PLOD2: variants seen among roughly 807,000 people sequenced by gnomAD.
PLOD2 encodes lysine hydroxylase 2.
In PLOD2, 65 loss-of-function variants were observed where a neutral mutation model predicts 101.0. The observed-to-expected ratio is 0.64, with a 90% confidence interval of 0.53 to 0.79. PLOD2 has a LOEUF of 0.79. Ranked by LOEUF, PLOD2 falls within the 30% of genes least tolerant of loss-of-function variation. PLOD2 has a pLI of 0.00. For synonymous variants in PLOD2, 314 were observed against 302.9 expected (o/e 1.04, Z -0.38); for missense variants, 909 against 914.6 (o/e 0.99, Z 0.08).
chr3:146,109,905 C>T (rs991793179), intron 4 of PLOD2, among the ~76,000 whole-genome samples: 42 of 151,824 alleles, frequency 2.8e-4, no homozygotes, highest in Non-Finnish European at 2.8e-4. Context: ...TACTTGATTG[C>T]GGACTGAGAA....
Position 146,072,555 on chromosome 3 carries a change from A to G in PLOD2, c.1848+6T>C. ...TTTTAGTTCTTAGTGTGAAATTACA[A>G]CTTACATGATGTTTTCCCCCAGACC... On this transcript the variant is annotated splice_donor_region_variant and intron_variant, in intron 17 of 19. Transcript: ENST00000282903. 1 of 1,558,876 alleles carries G rather than the reference A, an allele frequency of 6.4e-7. No individual in the cohort carries two copies. The highest frequency in any genetic ancestry group is 8.8e-7 in the Non-Finnish European group (1 of 1,130,436).
In PLOD2 at chr3:146,086,918, A is replaced by AT; in HGVS notation, c.1006-11dup. On this transcript the variant is annotated splice_polypyrimidine_tract_variant and intron_variant, in intron 9 of 19. Coordinates refer to ENST00000282903, the MANE Select transcript of PLOD2 (RefSeq NM_182943.3). Reference sequence around the variant, plus strand: ...TTTCATGATAAACTTCCTGTAACATATTTTAAAAATCAAAAATTAGAGAAT... The same window carrying AT: ...TTTCATGATAAACTTCCTGTAACATATTTTTAAAAATCAAAAATTAGAGAAT... 1 of 1,461,016 alleles carries AT rather than the reference A, an allele frequency of 6.8e-7. No individual in the cohort carries two copies. Among genetic ancestry groups the AT allele is most frequent in the Non-Finnish European group, 9.5e-7 (1 of 1,056,304 alleles). 90.5% of individuals were successfully genotyped at this position (1,461,016 alleles called of 1,614,324 possible). A position where few individuals can be genotyped will look rare whatever the true frequency, so the allele number is the denominator to read the frequency against.
chr3:146,154,340 A>C (rs2032201685), intron 1 of PLOD2, among the ~76,000 whole-genome samples: 2 of 152,178 alleles, frequency 1.3e-5, no homozygotes, highest in African/African-American at 4.8e-5. Context: ...TCAACCAAAA[A>C]AGGAAAGGAC....
intron 1 of PLOD2, among the ~76,000 whole-genome samples, chr3:146,159,940 T>C (rs1030318959): frequency 2.6e-5 from 4 of 152,154 alleles, no homozygotes; most frequent in African/African-American, 7.2e-5. Flanking sequence ...AACTCTGAAA[T>C]AGAAATTTCT....
intron 1 of PLOD2, among the ~76,000 whole-genome samples, chr3:146,136,647 A>G (rs1358894961): frequency 6.6e-6 from 1 of 152,150 alleles, no homozygotes; most frequent in East Asian, 1.9e-4. Context: ...AATTCCTGTC[A>G]TCTAGTGATA....
At chr3:146,091,691 T>G in intron 8 of PLOD2, 109 bp downstream of exon 8, 2 of 696,900 alleles carry the variant, frequency 2.9e-6, no homozygotes, top group Middle Eastern at 7.3e-4. Context: ...CCATTATCTA[T>G]CATAAAATCA....
At chr3:146,092,374 T>C (rs987994309) in intron 7 of PLOD2, among the ~76,000 whole-genome samples, 1 of 151,876 alleles carries the variant, frequency 6.6e-6, no homozygotes, top group Non-Finnish European at 1.5e-5. Context: ...CCACACAAAA[T>C]AAATACTAAG....
intron 7 of PLOD2, among the ~76,000 whole-genome samples, chr3:146,100,626 A>G (rs943686126): frequency 7.2e-5 from 11 of 152,240 alleles, no homozygotes; most frequent in Non-Finnish European, 1.0e-4. Context: ...TTGTAGACAC[A>G]GCAACATGAA....
intron 1 of PLOD2, among the ~76,000 whole-genome samples, chr3:146,153,123 G>A (rs2032141795): frequency 6.6e-6 from 1 of 152,104 alleles, no homozygotes; most frequent in African/African-American, 2.4e-5. Flanking sequence ...AGGTGCCTCA[G>A]AGCTGGCTTG....
At position 146,116,593 on chromosome 3, in the gene PLOD2, G is replaced by T. The variant is rs116412063; in HGVS notation, c.338+4519C>A. Among the ~76,000 whole-genome samples, 570 of 152,152 alleles carry T rather than the reference G, an allele frequency of 3.7e-3. 5 individuals carry two copies. Among genetic ancestry groups the T allele is most frequent in the African/African-American group, 0.013 (548 of 41,508 alleles). On this transcript the variant is annotated intron_variant, in intron 3 of 19. Transcript: ENST00000282903. ...AAATATATGGAACAAATCTAAGTATGTATCAACAGATGAATGGATAAAGGA... is the reference window on the plus strand; with the variant it reads ...AAATATATGGAACAAATCTAAGTATTTATCAACAGATGAATGGATAAAGGA...
intron 1 of PLOD2, among the ~76,000 whole-genome samples, chr3:146,156,430 A>G (rs2032304936): frequency 6.6e-6 from 1 of 152,244 alleles, no homozygotes; most frequent in African/African-American, 2.4e-5. Flanking sequence ...CAATAAGTAA[A>G]CAAATGAATG....
intron 5 of PLOD2, among the ~76,000 whole-genome samples, chr3:146,105,771 A>G (rs973499653): frequency 6.6e-6 from 1 of 152,186 alleles, no homozygotes; most frequent in African/African-American, 2.4e-5. Context: ...CAGTTTCTCT[A>G]CTGATAAAGT....
At position 146,098,269 on chromosome 3, in the gene PLOD2, TAAAAG is replaced by T. The variant is rs1014989488; in HGVS notation, c.777+4481_777+4485del. Among the ~76,000 whole-genome samples, 5 of 152,290 alleles carry T rather than the reference TAAAAG, an allele frequency of 3.3e-5. No individual in the cohort carries two copies. The East Asian group carries it at 9.7e-4, about 29-fold the overall frequency. On this transcript the variant is annotated intron_variant, in intron 7 of 19. Coordinates refer to ENST00000282903, the MANE Select transcript of PLOD2 (RefSeq NM_182943.3). ...ATTAAGATGTATATTGTTTGATATT[TAAAAG>T]AAAAGGCTGAACATTAAAATATGCA... is the stretch of plus-strand genomic sequence containing the variant.
chr3:146,108,164 T>G (rs1192404250), intron 4 of PLOD2, among the ~76,000 whole-genome samples: 1 of 152,106 alleles, frequency 6.6e-6, no homozygotes, highest in Non-Finnish European at 1.5e-5. Flanking sequence ...GATTTATATT[T>G]TTCTATTAAA....
intron 3 of PLOD2, among the ~76,000 whole-genome samples, chr3:146,111,683 A>C (rs1937637372): frequency 6.6e-6 from 1 of 150,978 alleles, no homozygotes; most frequent in Non-Finnish European, 1.5e-5. Context: ...TTACAATAAA[A>C]TTTTTCTGAC....
At chr3:146,104,568 T>C (rs925757132) in intron 5 of PLOD2, among the ~76,000 whole-genome samples, 8 of 152,220 alleles carry the variant, frequency 5.3e-5, no homozygotes, top group Non-Finnish European at 8.8e-5. Context: ...TGTTTCCTAA[T>C]GACAGCAACT....
chr3:146,070,868 C>T lies in PLOD2; in HGVS notation c.2126G>A (p.Gly709Asp), dbSNP rs1428835999. ...ATTGTACCTTAGAAATTTGCAACCA[C>T]CTCCCTAAAAAAGTTAAAATGAAGA... ...LNNVGEDFQG[G>D]GCKFLRYNCS... Residue 709 changes from glycine (G) to aspartate (D), a missense_variant, in exon 20 of 20, where the codon GGT becomes GAT. Gly to Asp is a moderately conservative substitution (Grantham distance 94). Coordinates refer to ENST00000282903, the MANE Select transcript of PLOD2 (RefSeq NM_182943.3). The T allele has an allele frequency of 1.2e-6, 2 of 1,607,606 alleles. No homozygotes were observed. Among genetic ancestry groups the T allele is most frequent in the East Asian group, 2.2e-5 (1 of 44,672 alleles).
intron 1 of PLOD2, among the ~76,000 whole-genome samples, chr3:146,156,618 C>T (rs1340591371): frequency 6.6e-6 from 1 of 152,254 alleles, no homozygotes; most frequent in Non-Finnish European, 1.5e-5. Context: ...CCATAATTTA[C>T]CACTCTGGCC....
At chr3:146,075,228 A>G (rs1374589795) in intron 15 of PLOD2, among the ~76,000 whole-genome samples, 1 of 151,628 alleles carries the variant, frequency 6.6e-6, no homozygotes, top group Non-Finnish European at 1.5e-5. Context: ...ATATTTTCCT[A>G]TTCAGAATAT....
Sources: gnomAD v4.1 joint callset for allele counts (sites outside exome capture counted in the v4.1 genomes callset) on GRCh38, gnomAD v4.1.1 for gene constraint, MANE v1.5 for transcripts, NCBI Gene and HGNC (gene_info 2026-07-23, HGNC 2026-07-21) for gene names.